Variants in TNNI3K observed in about 807,000 individuals in gnomAD.
The protein encoded by TNNI3K is TNNI3 interacting kinase.
Under a neutral mutation model 114.5 loss-of-function variants are expected in TNNI3K, and 140 were observed. The observed-to-expected ratio is 1.22, with a 90% CI of 1.07 to 1.41. TNNI3K has a LOEUF of 1.41. TNNI3K is among the 40% of genes most tolerant of loss of function. TNNI3K has a pLI of 0.00. For synonymous variants in TNNI3K, 347 were observed against 347.5 expected (o/e 1.00, Z 0.02); for missense variants, 1,125 against 1,007.6 (o/e 1.12, Z -1.58).
intron 23 of TNNI3K, among the ~76,000 whole-genome samples, chr1:74,514,977 G>T (rs1646328400): frequency 6.6e-6 from 1 of 152,076 alleles, no homozygotes; most frequent in South Asian, 2.1e-4. Flanking sequence ...AGAATGGCAT[G>T]TGAAGATGAT....
At chr1:74,360,184 G>A (rs1223803997) in intron 11 of TNNI3K, among the ~76,000 whole-genome samples, 1 of 149,046 alleles carries the variant, frequency 6.7e-6, no homozygotes, top group Non-Finnish European at 1.5e-5. Flanking sequence ...GCCCTTTTTT[G>A]TCCTCAGCAT....
chr1:74,305,833 T>C (rs987780934), intron 5 of TNNI3K, among the ~76,000 whole-genome samples: 1 of 152,230 alleles, frequency 6.6e-6, no homozygotes, highest in South Asian at 2.1e-4. Context: ...TACACATTTA[T>C]TGTCATACTT....
chr1:74,258,818 A>G (rs1157577736), intron 4 of TNNI3K, among the ~76,000 whole-genome samples: 3 of 152,254 alleles, frequency 2.0e-5, no homozygotes, highest in Non-Finnish European at 4.4e-5. Context: ...CATGAGGATC[A>G]TATAGTAACA....
At position 74,327,432 on chromosome 1, in the gene TNNI3K, G is replaced by T. The variant is rs1659968178; in HGVS notation, c.445-4018G>T. Among the ~76,000 whole-genome samples the T allele has an allele frequency of 2.7e-5, 4 of 146,614 alleles. No homozygotes were observed. The Admixed American group carries it at 2.8e-4, about 10-fold the overall frequency. On this transcript the variant is annotated intron_variant, in intron 5 of 24. Coordinates refer to ENST00000326637, the MANE Select transcript of TNNI3K (RefSeq NM_015978.3). ...ATATAGATATATTTTATAATACTGA[G>T]ATATAAAATACTGCTACTGAGATAT...
At chr1:74,435,208 T>C (rs188366737) in intron 17 of TNNI3K, among the ~76,000 whole-genome samples, 2 of 152,168 alleles carry the variant, frequency 1.3e-5, no homozygotes, top group African/African-American at 4.8e-5. Flanking sequence ...TTAAATTTAC[T>C]AATTATGGGG....
chr1:74,309,950 TG>T (rs535396552), intron 5 of TNNI3K, among the ~76,000 whole-genome samples: 115 of 152,218 alleles, frequency 7.6e-4, no homozygotes, highest in African/African-American at 2.7e-3. Context: ...TACTGGAAGT[TG>T]TAGACAGAGC....
intron 17 of TNNI3K, among the ~76,000 whole-genome samples, chr1:74,386,838 A>T (rs1663505579): frequency 6.6e-6 from 1 of 152,212 alleles, no homozygotes; most frequent in Non-Finnish European, 1.5e-5. Flanking sequence ...AAATTAAATC[A>T]TCCCTTGATG....
intron 4 of TNNI3K, among the ~76,000 whole-genome samples, chr1:74,253,505 C>T (rs1204149333): frequency 6.6e-6 from 1 of 152,148 alleles, no homozygotes; most frequent in African/African-American, 2.4e-5. Flanking sequence ...GCAGCTATGG[C>T]CTGCTGAGAA....
intron 17 of TNNI3K, among the ~76,000 whole-genome samples, chr1:74,402,361 T>C (rs1036948302): frequency 1.3e-5 from 2 of 152,172 alleles, no homozygotes; most frequent in Non-Finnish European, 2.9e-5. Context: ...TAAGATATTA[T>C]TAGCTGTGGA....
intron 17 of TNNI3K, among the ~76,000 whole-genome samples, chr1:74,404,759 A>G (rs896364666): frequency 1.3e-5 from 2 of 152,142 alleles, no homozygotes; most frequent in African/African-American, 2.4e-5. Flanking sequence ...TGAATCTCCT[A>G]TAATTGTGGC....
At chr1:74,399,793 A>G (rs1339374004) in intron 17 of TNNI3K, among the ~76,000 whole-genome samples, 1 of 152,222 alleles carries the variant, frequency 6.6e-6, no homozygotes, top group Non-Finnish European at 1.5e-5. Context: ...AGGGTTCACA[A>G]TTATTGGATG....
intron 21 of TNNI3K, among the ~76,000 whole-genome samples, chr1:74,473,459 A>C (rs1421467072): frequency 6.6e-6 from 1 of 152,144 alleles, no homozygotes; most frequent in Admixed American, 6.6e-5. Flanking sequence ...TTCCATGAGA[A>C]AAAAGGAAAT....
intron 23 of TNNI3K, among the ~76,000 whole-genome samples, chr1:74,518,055 A>T (rs1332278675): frequency 6.6e-6 from 1 of 152,206 alleles, no homozygotes; most frequent in Non-Finnish European, 1.5e-5. Context: ...TAGCACTTTT[A>T]GGAGATTAAT....
At chr1:74,479,912 T>C (rs1391681754) in intron 21 of TNNI3K, among the ~76,000 whole-genome samples, 2 of 152,250 alleles carry the variant, frequency 1.3e-5, no homozygotes, top group Non-Finnish European at 2.9e-5. Flanking sequence ...ATGCTATTTA[T>C]ACCAGGGCTG....
chr1:74,276,569 G>T (rs568939496), intron 5 of TNNI3K, among the ~76,000 whole-genome samples: 1 of 152,028 alleles, frequency 6.6e-6, no homozygotes. Flanking sequence ...AAAAATTTAG[G>T]TGCTTATTCC....
At chr1:74,444,189 A>T (rs1227613908) in intron 20 of TNNI3K, among the ~76,000 whole-genome samples, 2 of 152,188 alleles carry the variant, frequency 1.3e-5, no homozygotes, top group East Asian at 3.9e-4. Flanking sequence ...GAAGCTAAGC[A>T]TATTCAAATA....
Position 74,408,433 on chromosome 1 carries a change from T to G in TNNI3K, c.1773-27647T>G, listed in dbSNP as rs548908259. On this transcript the variant is annotated intron_variant, in intron 17 of 24. Coordinates refer to ENST00000326637, the MANE Select transcript of TNNI3K (RefSeq NM_015978.3). Reference sequence around the variant, plus strand: ...ATTCCAGTGAATAATAAATGAAGATTTATCTCCAAAATAACTTCCACATTG... The same window carrying G: ...ATTCCAGTGAATAATAAATGAAGATGTATCTCCAAAATAACTTCCACATTG... 3.3e-5 allele frequency among the ~76,000 whole-genome samples: 5 copies of G among 152,332 alleles called. No homozygotes were observed. The South Asian group carries it at 8.3e-4, about 25-fold the overall frequency.
chr1:74,247,456 T>C (rs1654643257), intron 2 of TNNI3K, among the ~76,000 whole-genome samples: 1 of 152,102 alleles, frequency 6.6e-6, no homozygotes, highest in African/African-American at 2.4e-5. Context: ...AGAACAAAGC[T>C]CCCACGGTAT....
At chr1:74,506,063 A>G (rs1287650845) in intron 23 of TNNI3K, among the ~76,000 whole-genome samples, 10 of 152,136 alleles carry the variant, frequency 6.6e-5, no homozygotes, top group Admixed American at 6.5e-4. Flanking sequence ...ACTAAGTGTC[A>G]CCAGATGCTA....
Sources: allele counts gnomAD v4.1 joint callset (sites outside exome capture counted in the v4.1 genomes callset), GRCh38; gene constraint gnomAD v4.1.1; transcripts MANE v1.5; gene names NCBI Gene and HGNC (gene_info 2026-07-23, HGNC 2026-07-21).